Variants in SNX29 observed in about 807,000 individuals in gnomAD.
SNX29 encodes sorting nexin 29, also known as sorting nexin-29.
SNX29 carries 78 observed loss-of-function variants against 102.1 expected under a neutral mutation model. The ratio of observed to expected loss-of-function variants is 0.76; its 90% CI spans 0.64 to 0.92. The LOEUF is 0.92. SNX29 is among the 40% of genes least tolerant of loss of function. The pLI is 0.00. For synonymous variants in SNX29, 580 were observed against 414.5 expected (o/e 1.40, Z -4.85); for missense variants, 1,280 against 1,061.7 (o/e 1.21, Z -2.86).
intron 15 of SNX29, among the ~76,000 whole-genome samples, chr16:12,335,866 G>GT: frequency 6.6e-6 from 1 of 151,954 alleles, no homozygotes; most frequent in East Asian, 2.0e-4. Context: ...GCCCAGGCAG[G>GT]ATCACCACAT....
At chr16:12,557,348 A>C (rs776006287) in intron 20 of SNX29, 2 of 152,158 alleles carry the variant, frequency 1.3e-5, no homozygotes, top group Non-Finnish European at 1.5e-5. Context: ...ACCTCAGAAG[A>C]GGGTGGAGAT....
At chr16:12,407,998 G>T (rs1482911135) in intron 18 of SNX29, among the ~76,000 whole-genome samples, 1 of 151,980 alleles carries the variant, frequency 6.6e-6, no homozygotes, top group African/African-American at 2.4e-5. Context: ...CTCTCCAAAA[G>T]AATGTAAAAA....
intron 13 of SNX29, among the ~76,000 whole-genome samples, chr16:12,148,015 C>T (rs967264160): frequency 2.6e-5 from 4 of 152,182 alleles, no homozygotes; most frequent in Non-Finnish European, 4.4e-5. Context: ...AACCAGAGTT[C>T]GCTGAATTCG....
intron 20 of SNX29, among the ~76,000 whole-genome samples, chr16:12,539,330 A>G (rs1052232233): frequency 2.7e-5 from 4 of 150,088 alleles, no homozygotes; most frequent in African/African-American, 7.4e-5. Flanking sequence ...TTGTCTTTTC[A>G]AGAATGTCAC....
At chr16:12,210,849 A>G (rs568150728) in intron 14 of SNX29, among the ~76,000 whole-genome samples, 1 of 151,924 alleles carries the variant, frequency 6.6e-6, no homozygotes, top group African/African-American at 2.4e-5. Context: ...GCTGAATCTC[A>G]AGTGGCCTTT....
chr16:12,194,379 G>C (rs571466650), intron 13 of SNX29, among the ~76,000 whole-genome samples: 1 of 152,072 alleles, frequency 6.6e-6, no homozygotes, highest in East Asian at 1.9e-4. Context: ...GACCATTTTT[G>C]TCAGTTCTTG....
At chr16:12,045,267 C>G (rs1001606702) in intron 5 of SNX29, among the ~76,000 whole-genome samples, 2 of 152,202 alleles carry the variant, frequency 1.3e-5, no homozygotes, top group Admixed American at 6.5e-5. Context: ...TTTCCAGTCT[C>G]TCACTCAACT....
intron 19 of SNX29, among the ~76,000 whole-genome samples, chr16:12,479,081 G>A (rs1239413319): frequency 6.6e-6 from 1 of 152,224 alleles, no homozygotes; most frequent in Non-Finnish European, 1.5e-5. Context: ...AGCAGCAGGA[G>A]CCCTTGGGAG....
intron 14 of SNX29, among the ~76,000 whole-genome samples, chr16:12,245,837 T>G (rs1328850046): frequency 6.6e-6 from 1 of 152,048 alleles, no homozygotes; most frequent in African/African-American, 2.4e-5. Context: ...ACACAGAGTT[T>G]CTGCTGCAGG....
At chr16:12,564,933 T>TAA (rs2078931454) in intron 20 of SNX29, among the ~76,000 whole-genome samples, 1 of 20,910 alleles carries the variant, frequency 4.8e-5, no homozygotes, top group African/African-American at 2.1e-4. Flanking sequence ...AACCTTGGTG[T>TAA]TAAAAAAAAA....
chr16:11,987,665 G>A (rs1047597666), intron 1 of SNX29, among the ~76,000 whole-genome samples: 2 of 152,136 alleles, frequency 1.3e-5, no homozygotes, highest in African/African-American at 4.8e-5. Context: ...AAAGTGCTGG[G>A]ATTACAGGCG....
At chr16:12,395,254 T>G (rs1406511325) in intron 16 of SNX29, among the ~76,000 whole-genome samples, 1 of 152,216 alleles carries the variant, frequency 6.6e-6, no homozygotes, top group Non-Finnish European at 1.5e-5. Context: ...AGTTCCACGC[T>G]GGCACTGGGG....
intron 20 of SNX29, among the ~76,000 whole-genome samples, chr16:12,556,795 C>A (rs2078380045): frequency 6.6e-6 from 1 of 151,968 alleles, no homozygotes; most frequent in Non-Finnish European, 1.5e-5. Context: ...TCAACAGTTG[C>A]CCCCTTTACT....
chr16:12,528,116 C>A (rs779686877), intron 20 of SNX29, among the ~76,000 whole-genome samples: 2 of 152,228 alleles, frequency 1.3e-5, no homozygotes, highest in South Asian at 4.1e-4. Context: ...TGAGCCACCG[C>A]ACCTGGCCTG....
chr16:12,164,529 T>G (rs2055927229), intron 13 of SNX29, among the ~76,000 whole-genome samples: 1 of 152,184 alleles, frequency 6.6e-6, no homozygotes, highest in African/African-American at 2.4e-5. Context: ...TGTACTTTTT[T>G]GGTTGATAAT....
chr16:12,092,737 G>A (rs373016359), intron 11 of SNX29, among the ~76,000 whole-genome samples: 4 of 152,288 alleles, frequency 2.6e-5, no homozygotes, highest in South Asian at 2.1e-4. Context: ...TCTCATTTGC[G>A]GTGATTAAAG....
intron 13 of SNX29, among the ~76,000 whole-genome samples, chr16:12,172,292 C>A (rs772080564): frequency 6.6e-6 from 1 of 151,958 alleles, no homozygotes; most frequent in Non-Finnish European, 1.5e-5. Flanking sequence ...AGGAAAGGGG[C>A]GAGGCTGGAG....
At chr16:12,491,931 G>T (rs1404901374) in intron 19 of SNX29, among the ~76,000 whole-genome samples, 1 of 152,170 alleles carries the variant, frequency 6.6e-6, no homozygotes, top group African/African-American at 2.4e-5. Context: ...GTCTATCGTT[G>T]TTGGACATTC....
At chr16:12,546,751 C>G (rs2077630334) in intron 20 of SNX29, 1 of 146,350 alleles carries the variant, frequency 6.8e-6, no homozygotes, top group African/African-American at 2.6e-5. Flanking sequence ...GAAAATTAGA[C>G]ATTTAAACAG....
Sources: gnomAD v4.1 joint callset for allele counts (sites outside exome capture counted in the v4.1 genomes callset) on GRCh38, gnomAD v4.1.1 for gene constraint, MANE v1.5 for transcripts, NCBI Gene and HGNC (gene_info 2026-07-23, HGNC 2026-07-21) for gene names.